Variants in STARD8 observed in about 807,000 individuals in gnomAD.
The protein encoded by STARD8 is StAR related lipid transfer domain containing 8.
Under a neutral mutation model 69.4 loss-of-function variants are expected in STARD8, and 25 were observed. The ratio of observed to expected loss-of-function variants is 0.36; its 90% CI spans 0.26 to 0.50. STARD8 has a LOEUF of 0.50. Ranked by LOEUF, STARD8 falls within the 20% of genes least tolerant of loss-of-function variation. The probability of loss-of-function intolerance (pLI) is 0.96; values close to 1 mark genes in which losing one functional copy is unlikely to be tolerated. For missense variants in STARD8, 921 were observed against 932.5 expected (o/e 0.99, Z 0.16); for synonymous variants, 389 against 374.6 (o/e 1.04, Z -0.45).
At chrX:68,715,446 C>A in intron 4 of STARD8, 71 bp downstream of exon 4, 1 of 904,710 alleles carries the variant, frequency 1.1e-6, no homozygotes, top group Non-Finnish European at 1.5e-6. Flanking sequence ...AAAAAAACAT[C>A]CCTTGTACCC....
In STARD8 at chrX:68,722,552, A is replaced by G. The variant is rs2080160504; in HGVS notation, c.2705A>G (p.Glu902Gly). Residue 902 changes from glutamate (E) to glycine (G), a missense_variant, in exon 12 of 15, where the codon GAG (glutamate) becomes GGG (glycine). Coordinates refer to ENST00000374599, the MANE Select transcript of STARD8 (RefSeq NM_001142503.3). Reference protein sequence around the residue: ...AGVSLSLYMEENIQDLLRDAA... With the variant: ...AGVSLSLYMEGNIQDLLRDAA... ...GTAAGCCTGAGCCTCTACATGGAAG[A>G]GAATATCCAGGACCTGCTGCGTGAT... 1.7e-6 allele frequency: 2 copies of G among 1,210,631 alleles called. No homozygotes were observed. Among genetic ancestry groups the G allele is most frequent in the Non-Finnish European group, 2.2e-6 (2 of 895,401 alleles).
At chrX:68,650,028 C>T (rs2079536950) in intron 1 of STARD8, among the ~76,000 whole-genome samples, 1 of 111,371 alleles carries the variant, frequency 9.0e-6, no homozygotes, top group African/African-American at 3.3e-5. Flanking sequence ...CCCCAGTTAA[C>T]TGTTCTAGGT....
At chrX:68,694,217 C>A (rs1348331908) in intron 2 of STARD8, among the ~76,000 whole-genome samples, 1 of 112,774 alleles carries the variant, frequency 8.9e-6, no homozygotes, top group Non-Finnish European at 1.9e-5. Context: ...CGCGCCAGAT[C>A]TCCTGCCCTC....
At chrX:68,662,359 CAGTT>C (rs1341240778) in intron 1 of STARD8, among the ~76,000 whole-genome samples, 3 of 111,228 alleles carry the variant, frequency 2.7e-5, no homozygotes, top group Non-Finnish European at 3.8e-5. Context: ...CTTCACTCAA[CAGTT>C]AGAGTAACAT....
intron 2 of STARD8, among the ~76,000 whole-genome samples, chrX:68,687,776 G>A (rs1262959705): frequency 8.9e-6 from 1 of 111,844 alleles, no homozygotes; most frequent in African/African-American, 3.3e-5. Flanking sequence ...CATTTCCTTG[G>A]GGGCCTGTCC....
At chrX:68,661,357 G>C (rs1486973106) in intron 1 of STARD8, among the ~76,000 whole-genome samples, 2 of 111,728 alleles carry the variant, frequency 1.8e-5, no homozygotes, top group African/African-American at 6.5e-5. Flanking sequence ...CCTCCTTTTG[G>C]CTCTGGCTTT....
Position 68,722,047 on chromosome X carries a change from G to T in STARD8, c.2460G>T (p.Arg820Ser). The T allele has an allele frequency of 8.4e-7, 1 of 1,195,039 alleles. No homozygotes were observed. The change falls in exon 11 of 15, where the codon AGG becomes AGT. Residue 820 changes from arginine (R) to serine (S), a missense_variant and splice_region_variant. By Grantham distance (110) the Arg-to-Ser change is moderately radical. Coordinates refer to ENST00000374599, the MANE Select transcript of STARD8 (RefSeq NM_001142503.3). ...TCTCACCACCTCCTGCTCCATCTAGGATCAAGAGCAAACGCAGCCTCATTG... is the reference window on the plus strand; with the variant it reads ...TCTCACCACCTCCTGCTCCATCTAGTATCAAGAGCAAACGCAGCCTCATTG... Reference protein sequence around the residue: ...NVSKKDSPSPRIKSKRSLIGR... With the variant: ...NVSKKDSPSPSIKSKRSLIGR...
chrX:68,671,140 G>T (rs756773694), intron 2 of STARD8, among the ~76,000 whole-genome samples: 13 of 112,513 alleles, frequency 1.2e-4, no homozygotes, highest in African/African-American at 4.2e-4. Flanking sequence ...CAACTTCTTT[G>T]CTCTGGCATT....
chrX:68,718,417 A>C lies in STARD8; in HGVS notation c.1503A>C (p.Ala501=). 8.3e-7 allele frequency: 1 copy of C among 1,210,711 alleles called. No individual in the cohort carries two copies. The highest frequency in any genetic ancestry group is 1.7e-5 in the African/African-American group (1 of 57,878). Residue 501 remains alanine (A), a synonymous_variant, in exon 6 of 15, where the codon GCA becomes GCC. Transcript: ENST00000374599. ...PAPAQDSEQE[A]HSGGEPTFAS... is the part of the protein sequence containing the mutation. ...CAGCCCAGGACAGTGAGCAGGAGGC[A>C]CATTCAGGCGGGGAACCCACCTTTG...
rs2080160330 is a variant in STARD8 at position 68,722,543 on chromosome X, A to C, written c.2696A>C (p.Tyr899Ser). 8.3e-7 allele frequency: 1 copy of C among 1,210,505 alleles called. No homozygotes were observed. The highest frequency in any genetic ancestry group is 1.7e-5 in the African/African-American group (1 of 57,368). Residue 899 changes from tyrosine to serine, a missense_variant, in exon 12 of 15, where the codon TAC becomes TCC. Physicochemically the swap from Tyr to Ser is moderately radical, Grantham distance 144. Transcript: ENST00000374599. ...GCTGCAGGGGTAAGCCTGAGCCTCT[A>C]CATGGAAGAGAATATCCAGGACCTG... is the stretch of plus-strand genomic sequence containing the variant. ...AQAAGVSLSL[Y>S]MEENIQDLLR...
intron 2 of STARD8, among the ~76,000 whole-genome samples, chrX:68,698,740 G>T (rs1008778635): frequency 1.8e-5 from 2 of 110,779 alleles, no homozygotes; most frequent in African/African-American, 6.6e-5. Flanking sequence ...TTCTGGTTCT[G>T]CCCCCTCTAT....
At position 68,722,060 on chromosome X, in the gene STARD8, C is replaced by T. The variant is rs61735034; in HGVS notation, c.2473C>T (p.Arg825Cys). 319 of 1,199,859 alleles carry T rather than the reference C, an allele frequency of 2.7e-4. No individual in the cohort carries two copies. The African/African-American group carries it at 4.0e-3, about 15-fold the overall frequency. The part of the protein sequence containing the change: ...DSPSPRIKSK[R>C]SLIGRPGPRD... ...TGCTCCATCTAGGATCAAGAGCAAA[C>T]GCAGCCTCATTGGCAGGCCAGGCCC... The change falls in exon 11 of 15, where the codon CGC becomes TGC. Residue 825 changes from arginine (R) to cysteine (C), a missense_variant. Coordinates refer to ENST00000374599, the MANE Select transcript of STARD8 (RefSeq NM_001142503.3).
At chrX:68,654,015 G>A (rs2079596478) in intron 1 of STARD8, among the ~76,000 whole-genome samples, 1 of 111,643 alleles carries the variant, frequency 9.0e-6, no homozygotes, top group Admixed American at 9.5e-5. Flanking sequence ...ACCTCTGGAT[G>A]ACCTTGAGAG....
At chrX:68,693,048 A>C (rs1280884111) in intron 2 of STARD8, among the ~76,000 whole-genome samples, 1 of 112,894 alleles carries the variant, frequency 8.9e-6, no homozygotes, top group Non-Finnish European at 1.9e-5. Context: ...GCTTACTATC[A>C]GAACTCCTGG....
In STARD8 at chrX:68,716,384, A is replaced by C; in HGVS notation, c.250A>C (p.Asn84His). 1.7e-6 allele frequency: 2 copies of C among 1,210,885 alleles called. No homozygotes were observed. The highest frequency in any genetic ancestry group is 2.2e-6 in the Non-Finnish European group (2 of 895,168). ...TTGTTACAGGAGGCTGATGACCTTG[A>C]ATAATTGTGCCTCGATGAAACTGGA... is the stretch of plus-strand genomic sequence containing the variant. ...GALCRRLMTL[N>H]NCASMKLEVH... is the part of the protein sequence containing the mutation. The change falls in exon 5 of 15, where the codon AAT becomes CAT. Residue 84 changes from asparagine to histidine, a missense_variant. Physicochemically the swap from Asn to His is moderately conservative, Grantham distance 68. Transcript: ENST00000374599.
At chrX:68,690,406 C>T (rs973697604) in intron 2 of STARD8, among the ~76,000 whole-genome samples, 3 of 105,724 alleles carry the variant, frequency 2.8e-5, no homozygotes, top group African/African-American at 7.4e-5. Context: ...AGCAGCAGCT[C>T]GAGCAACTCC....
At chrX:68,715,806 C>A (rs1252963692) in intron 4 of STARD8, among the ~76,000 whole-genome samples, 4 of 111,763 alleles carry the variant, frequency 3.6e-5, no homozygotes, top group Non-Finnish European at 5.6e-5. Flanking sequence ...CCACCAGCGT[C>A]GCATTGTAAC....
intron 2 of STARD8, among the ~76,000 whole-genome samples, chrX:68,678,191 G>A (rs1282142474): frequency 9.0e-6 from 1 of 111,466 alleles, no homozygotes; most frequent in Non-Finnish European, 1.9e-5. Context: ...GATGAGTGTG[G>A]CCAGAGAAGG....
chrX:68,711,196 G>C (rs929350942), intron 2 of STARD8, among the ~76,000 whole-genome samples: 2 of 108,880 alleles, frequency 1.8e-5, no homozygotes, highest in Non-Finnish European at 3.8e-5. Flanking sequence ...GGAAGTTGCA[G>C]TAACATAAAA....
Sources: gnomAD v4.1 joint callset for allele counts (sites outside exome capture counted in the v4.1 genomes callset) on GRCh38, gnomAD v4.1.1 for gene constraint, MANE v1.5 for transcripts, NCBI Gene and HGNC (gene_info 2026-07-23, HGNC 2026-07-21) for gene names.